Variants in DNAH14 observed in about 807,000 individuals in gnomAD.
DNAH14 encodes axonemal beta dynein heavy chain 14.
Under a neutral mutation model 520.9 loss-of-function variants are expected in DNAH14, and 478 were observed. That is an observed-to-expected ratio of 0.92 (90% CI 0.85 to 0.99). The LOEUF is 0.99. Ranked by LOEUF, DNAH14 falls within the 50% of genes least tolerant of loss-of-function variation. The pLI, the probability that DNAH14 is intolerant of heterozygous loss-of-function variation, is 0.00. For missense variants in DNAH14, 4,831 were observed against 5,234.5 expected (o/e 0.92, Z 2.38); for synonymous variants, 1,581 against 1,757.2 (o/e 0.90, Z 2.51).
At chr1:224,949,346 A>T (rs2060029015) in intron 1 of DNAH14, among the ~76,000 whole-genome samples, 1 of 151,944 alleles carries the variant, frequency 6.6e-6, no homozygotes. Flanking sequence ...GTGTGTGTGT[A>T]TCCACATGTG....
intron 37 of DNAH14, among the ~76,000 whole-genome samples, chr1:225,187,774 T>C (rs1182739794): frequency 6.6e-6 from 1 of 151,964 alleles, no homozygotes; most frequent in Non-Finnish European, 1.5e-5. Flanking sequence ...TTCATGTCTT[T>C]GTCCATTTTT....
At chr1:225,277,331 A>G in intron 53 of DNAH14, 79 bp from the exon 54 acceptor site, 1 of 416,848 alleles carries the variant, frequency 2.4e-6, no homozygotes, top group Admixed American at 2.8e-5. Flanking sequence ...TTCTGTAAGT[A>G]AATTGTATGT....
rs116710074 is a variant in DNAH14 at position 225,251,763 on chromosome 1, T to G, written c.6749-538T>G. 4.7e-3 allele frequency among the ~76,000 whole-genome samples: 716 copies of G among 152,152 alleles called. 4 individuals carry two copies. The highest frequency in any genetic ancestry group is 0.016 in the African/African-American group (669 of 41,520). ...ACAATTTTTCAAATGGTAAAAAAATTTGCACACACACTTTTCCAAAGATTT... is the reference window on the plus strand; with the variant it reads ...ACAATTTTTCAAATGGTAAAAAAATGTGCACACACACTTTTCCAAAGATTT... On this transcript the variant is annotated intron_variant, in intron 43 of 85. Transcript: ENST00000682510.
rs753664153 is a variant in DNAH14, at chr1:225,079,405, GTTC to G, written c.2632_2634del (p.Leu878del). 531 of 1,550,696 alleles carry G rather than the reference GTTC, an allele frequency of 3.4e-4. 4 individuals carry two copies. The highest frequency in any genetic ancestry group is 1.7e-4 in the Middle Eastern group (1 of 5,986). On this transcript the variant is annotated inframe_deletion, in exon 18 of 86. Coordinates refer to ENST00000682510, the MANE Select transcript of DNAH14 (RefSeq NM_001367479.1). ...AGAAGAGCAAATTGCCATATTCCAA[GTTC>G]TTCTTCTTAAGTTTAGTCAACTAAA...
At chr1:225,064,387 C>T (rs1486471514) in intron 17 of DNAH14, among the ~76,000 whole-genome samples, 1 of 151,920 alleles carries the variant, frequency 6.6e-6, no homozygotes, top group Non-Finnish European at 1.5e-5. Flanking sequence ...AAATACTCAC[C>T]ATTTAATCCA....
chr1:225,012,240 G>A (rs912764042), intron 10 of DNAH14, among the ~76,000 whole-genome samples: 1 of 152,130 alleles, frequency 6.6e-6, no homozygotes, highest in Non-Finnish European at 1.5e-5. Context: ...GAAATTCTGG[G>A]TTGAAAATTC....
In DNAH14 at chr1:225,399,049, TAAAG is replaced by T. The variant is rs1558640299; in HGVS notation, c.13639-3_13639del. The T allele has an allele frequency of 5.3e-6, 8 of 1,515,182 alleles. No individual in the cohort carries two copies. The Admixed American group carries it at 8.9e-5, about 17-fold the overall frequency. 93.9% of individuals were successfully genotyped at this position (1,515,182 alleles called of 1,614,324 possible). On this transcript the variant is annotated splice_acceptor_variant and splice_polypyrimidine_tract_variant and intron_variant, in intron 85 of 85. Transcript: ENST00000682510. LOFTEE classifies it high-confidence loss of function. ...TTGACTACTGGATTTTTTTTTTTTTTAAAGATTTCTACCAAAACACCAAATGCTT... is the reference window on the plus strand; with the variant it reads ...TTGACTACTGGATTTTTTTTTTTTTTATTTCTACCAAAACACCAAATGCTT...
At chr1:225,281,661 T>C (rs1416004521) in intron 54 of DNAH14, among the ~76,000 whole-genome samples, 1 of 152,074 alleles carries the variant, frequency 6.6e-6, no homozygotes, top group Non-Finnish European at 1.5e-5. Context: ...TCTAAAACTA[T>C]TGTCAGGCTT....
At chr1:225,007,379 T>G in intron 9 of DNAH14, 34 bp from the exon 10 acceptor site, 1 of 1,459,642 alleles carries the variant, frequency 6.9e-7, no homozygotes, top group Non-Finnish European at 9.1e-7. Flanking sequence ...AATTTTGACT[T>G]TCTAACACTG....
chr1:225,027,124 C>CT (rs1408632544), intron 11 of DNAH14, among the ~76,000 whole-genome samples: 1 of 151,996 alleles, frequency 6.6e-6, no homozygotes, highest in Non-Finnish European at 1.5e-5. Flanking sequence ...CTTTGTTGAA[C>CT]TTTTTTTATT....
rs1491212980 is a variant in DNAH14 at position 225,335,402 on chromosome 1, CAT to C, written c.10081-1863_10081-1862del. On this transcript the variant is annotated intron_variant, in intron 66 of 85. Coordinates refer to ENST00000682510, the MANE Select transcript of DNAH14 (RefSeq NM_001367479.1). ...GTATATGCACATATACACATGTGTA[CAT>C]GTGTGTGTATGCACATATGCACGTG... Among the ~76,000 whole-genome samples, 45 of 95,856 alleles carry C rather than the reference CAT, an allele frequency of 4.7e-4. 8 individuals carry two copies. Among genetic ancestry groups the C allele is most frequent in the South Asian group, 8.0e-4 (2 of 2,492 alleles). The allele number at this position is 95,856 out of a possible 152,430, so 62.9% of individuals were successfully genotyped here. A position where few individuals can be genotyped will look rare whatever the true frequency, so the allele number is the denominator to read the frequency against.
intron 11 of DNAH14, chr1:225,024,312 G>A: frequency 1.1e-6 from 1 of 936,752 alleles, no homozygotes; most frequent in Non-Finnish European, 1.3e-6. Context: ...TCAATTCCAA[G>A]AAATATCTGT....
At chr1:225,266,483 T>G (rs774383680) in intron 48 of DNAH14, among the ~76,000 whole-genome samples, 158 bp from the exon 49 acceptor site, 1 of 152,172 alleles carries the variant, frequency 6.6e-6, no homozygotes, top group Non-Finnish European at 1.5e-5. Context: ...TCTGCTGTTT[T>G]TAAATAGGAA....
At chr1:225,394,109 G>T (rs1031068651) in intron 84 of DNAH14, among the ~76,000 whole-genome samples, 1 of 152,138 alleles carries the variant, frequency 6.6e-6, no homozygotes, top group East Asian at 1.9e-4. Flanking sequence ...ATGAGCCACC[G>T]CGCCCGGCCA....
At chr1:225,362,200 A>C (rs1316277726) in intron 75 of DNAH14, among the ~76,000 whole-genome samples, 1 of 152,240 alleles carries the variant, frequency 6.6e-6, no homozygotes, top group East Asian at 1.9e-4. Context: ...AACATTCCTT[A>C]GAACAGAATT....
chr1:225,082,622 TA>T lies in DNAH14; in HGVS notation c.3211del (p.Ile1071Ter). The T allele has an allele frequency of 1.3e-6, 2 of 1,551,646 alleles. No homozygotes were observed. The highest frequency in any genetic ancestry group is 1.7e-6 in the Non-Finnish European group (2 of 1,146,946). On this transcript the variant is annotated frameshift_variant, in exon 20 of 86. Transcript: ENST00000682510. LOFTEE classifies it high-confidence loss of function. ...AGTTTAAACAAGAGCTGCCTATCAT[TA>T]TAGCTCTGGGAAATCCCTGTCTCAA... ...TEFKQELPII[I>X]ALGNPCLKPR...
chr1:225,050,453 A>T (rs935982169), intron 16 of DNAH14, 77 bp downstream of exon 16: 1 of 1,413,124 alleles, frequency 7.1e-7, no homozygotes, highest in African/African-American at 1.5e-5. Context: ...AAATGAATTT[A>T]TTGAAAAATT....
chr1:225,125,381 G>T (rs1230823613), intron 27 of DNAH14, among the ~76,000 whole-genome samples: 2 of 152,188 alleles, frequency 1.3e-5, no homozygotes, highest in African/African-American at 4.8e-5. Context: ...CTGTTGTTCA[G>T]TGTATCCACT....
At chr1:225,274,353 C>T (rs903108237) in intron 52 of DNAH14, among the ~76,000 whole-genome samples, 1 of 151,692 alleles carries the variant, frequency 6.6e-6, no homozygotes, top group African/African-American at 2.4e-5. Flanking sequence ...TACAGGCGCC[C>T]GCCACTGCGC....
Sources: gnomAD v4.1 joint callset for allele counts (sites outside exome capture counted in the v4.1 genomes callset) on GRCh38, gnomAD v4.1.1 for gene constraint, MANE v1.5 for transcripts, NCBI Gene and HGNC (gene_info 2026-07-23, HGNC 2026-07-21) for gene names.